FRS2: variants seen among roughly 807,000 people sequenced by gnomAD.
The protein encoded by FRS2 is fibroblast growth factor receptor substrate 2.
FRS2 carries 8 observed loss-of-function variants against 43.9 expected under a neutral mutation model. The ratio of observed to expected loss-of-function variants is 0.18; its 90% CI spans 0.11 to 0.33. The LOEUF (loss-of-function observed/expected upper bound fraction) is 0.33. FRS2 is among the 10% of genes least tolerant of loss of function. FRS2 has a pLI of 1.00. For synonymous variants in FRS2, 219 were observed against 220.3 expected, an observed-to-expected ratio of 0.99 and a Z score of 0.05; for missense variants, 534 against 627.6, an observed-to-expected ratio of 0.85 and a Z score of 1.59.
In FRS2 at chr12:69,574,249, A is replaced by G; in HGVS notation, c.821A>G (p.Asp274Gly). The change falls in exon 9 of 9, where the codon GAT becomes GGT. Residue 274 changes from aspartate to glycine, a missense_variant. Physicochemically the swap from Asp to Gly is moderately conservative, Grantham distance 94 (BLOSUM62 -1). This residue lies in a region of FRS2 where 446 missense variants were observed against 494.2 expected (regional missense o/e 0.90). Coordinates refer to ENST00000549921, the MANE Select transcript of FRS2 (RefSeq NM_001278356.2). ...EKEKLEQLGR[D>G]QVSGSGANNT... is the part of the protein sequence containing the mutation. The stretch of plus-strand genomic sequence containing the variant: ...GAGAAACTGGAGCAACTTGGAAGAG[A>G]TCAAGTTAGTGGAAGTGGAGCAAAT... The G allele has an allele frequency of 6.2e-7, 1 of 1,614,036 alleles. No homozygotes were observed. The highest frequency in any genetic ancestry group is 8.5e-7 in the Non-Finnish European group (1 of 1,179,834).
intron 3 of FRS2, among the ~76,000 whole-genome samples, chr12:69,534,735 G>C (rs1446165763): frequency 1.3e-5 from 2 of 152,168 alleles, no homozygotes; most frequent in Non-Finnish European, 2.9e-5. Flanking sequence ...AAGTCTGAGC[G>C]CTGGAGCTTG....
chr12:69,533,123 T>C (rs187757266), intron 3 of FRS2, among the ~76,000 whole-genome samples: 10 of 152,344 alleles, frequency 6.6e-5, no homozygotes, highest in South Asian at 4.1e-4. Flanking sequence ...ATAAAAGGTA[T>C]AACAACTAGG....
intron 1 of FRS2, among the ~76,000 whole-genome samples, chr12:69,471,401 A>G (rs990279140): frequency 2.0e-5 from 3 of 152,212 alleles, no homozygotes; most frequent in Non-Finnish European, 4.4e-5. Context: ...CCTTTCTCCC[A>G]AAGTTTGTTT....
intron 1 of FRS2, among the ~76,000 whole-genome samples, chr12:69,508,024 C>CAAAAAA (rs11365179): frequency 2.1e-5 from 1 of 47,582 alleles, no homozygotes; most frequent in Non-Finnish European, 3.9e-5. Flanking sequence ...AACCCCGTCT[C>CAAAAAA]AAAAAAAAAA....
At chr12:69,551,700 G>T (rs1222009514) in intron 3 of FRS2, among the ~76,000 whole-genome samples, 1 of 152,130 alleles carries the variant, frequency 6.6e-6, no homozygotes, top group Non-Finnish European at 1.5e-5. Flanking sequence ...TTGTTTTTTA[G>T]ATCAGTATTT....
At chr12:69,551,723 A>G (rs941993853) in intron 3 of FRS2, among the ~76,000 whole-genome samples, 4 of 152,238 alleles carry the variant, frequency 2.6e-5, no homozygotes, top group Non-Finnish European at 4.4e-5. Flanking sequence ...GAAGGGCTCA[A>G]AAGAACATCA....
chr12:69,494,455 G>T (rs1477317053), intron 1 of FRS2, among the ~76,000 whole-genome samples: 3 of 152,132 alleles, frequency 2.0e-5, no homozygotes, highest in Non-Finnish European at 4.4e-5. Flanking sequence ...TATATAATTT[G>T]CTGCAGCTCA....
At position 69,579,584 on chromosome 12, in the gene FRS2, G is replaced by A. The variant is rs1881420802; in HGVS notation, c.*4629G>A. On this transcript the variant is annotated 3_prime_UTR_variant, in exon 9 of 9. Transcript: ENST00000549921. ...ACTTTGGATTTTGCAATGCCTTACT[G>A]TTGTCATTCTAGCATAAATATCCAT... 6.6e-6 allele frequency: 1 copy of A among 152,330 alleles called. No homozygotes were observed. The highest frequency in any genetic ancestry group is 1.5e-5 in the Non-Finnish European group (1 of 68,024). The allele number at this position is 152,330 out of a possible 1,614,324, so 9.4% of individuals were successfully genotyped here.
At chr12:69,524,536 A>G (rs1876010982) in intron 1 of FRS2, among the ~76,000 whole-genome samples, 1 of 151,934 alleles carries the variant, frequency 6.6e-6, no homozygotes, top group African/African-American at 2.4e-5. Context: ...CACTGCATGC[A>G]GGTGTGGCCA....
In FRS2 at chr12:69,571,384, A is replaced by G. The variant is rs780969839; in HGVS notation, c.362A>G (p.Asn121Ser). The change falls in exon 7 of 9, where the codon AAT (asparagine) becomes AGT (serine). Residue 121 changes from asparagine to serine, a missense_variant. Coordinates refer to ENST00000549921, the MANE Select transcript of FRS2 (RefSeq NM_001278356.2). The part of the protein sequence containing the change: ...NVVEEPVVER[N>S]NHQTELEVPR... ...GTGGAAGAGCCAGTTGTAGAAAGAA[A>G]TAATCATCAGACAGAATTGGAAGTC... The G allele has an allele frequency of 3.1e-6, 5 of 1,613,012 alleles. No homozygotes were observed. Among genetic ancestry groups the G allele is most frequent in the Non-Finnish European group, 4.2e-6 (5 of 1,179,194 alleles).
At chr12:69,536,696 A>G (rs1366681743) in intron 3 of FRS2, among the ~76,000 whole-genome samples, 1 of 151,552 alleles carries the variant, frequency 6.6e-6, no homozygotes, top group African/African-American at 2.4e-5. Context: ...TCAGCCTCTC[A>G]AGTAGCTGGG....
At chr12:69,509,622 C>A (rs181140330) in intron 1 of FRS2, among the ~76,000 whole-genome samples, 6 of 152,252 alleles carry the variant, frequency 3.9e-5, no homozygotes, top group Non-Finnish European at 1.5e-5. Flanking sequence ...CTCTTGGCAA[C>A]CATTATTCTA....
chr12:69,534,186 G>C (rs994615957), intron 3 of FRS2, among the ~76,000 whole-genome samples: 4 of 152,062 alleles, frequency 2.6e-5, no homozygotes, highest in Admixed American at 2.6e-4. Flanking sequence ...TGTGTATTAG[G>C]GCTTCAGGTG....
rs1452479781 is a variant in FRS2, at chr12:69,578,991, C to T, written c.*4036C>T. 6.6e-6 allele frequency: 1 copy of T among 152,530 alleles called. No homozygotes were observed. Among genetic ancestry groups the T allele is most frequent in the East Asian group, 1.9e-4 (1 of 5,196 alleles). 9.4% of individuals were successfully genotyped at this position (152,530 alleles called of 1,614,324 possible). On this transcript the variant is annotated 3_prime_UTR_variant, in exon 9 of 9. Transcript: ENST00000549921. ...GTATCTTAATGCTGTTTCAGATCAG[C>T]ATTTTAAATTTTGGTTTGCATTTTT...
chr12:69,563,542 C>T (rs1354799098), intron 4 of FRS2, among the ~76,000 whole-genome samples: 1 of 152,128 alleles, frequency 6.6e-6, no homozygotes, highest in Non-Finnish European at 1.5e-5. Flanking sequence ...ACTTTAGTAT[C>T]CTTGCCCTCT....
At chr12:69,501,524 A>C (rs1021377537) in intron 1 of FRS2, among the ~76,000 whole-genome samples, 4 of 152,234 alleles carry the variant, frequency 2.6e-5, no homozygotes, top group Non-Finnish European at 5.9e-5. Flanking sequence ...TATTCAGTAG[A>C]AGGTATAATT....
intron 3 of FRS2, among the ~76,000 whole-genome samples, chr12:69,532,968 A>C (rs1418532336): frequency 1.3e-5 from 2 of 152,202 alleles, no homozygotes; most frequent in East Asian, 3.9e-4. Flanking sequence ...TAATTTTCTT[A>C]TTCTTACTTT....
intron 1 of FRS2, among the ~76,000 whole-genome samples, chr12:69,518,002 A>AT (rs917790779): frequency 4.0e-5 from 6 of 151,816 alleles, no homozygotes; most frequent in East Asian, 1.9e-4. Flanking sequence ...AATATTAAGC[A>AT]TTTTTTTTAT....
chr12:69,570,014 G>T (rs1008197851), intron 5 of FRS2, among the ~76,000 whole-genome samples: 2 of 152,100 alleles, frequency 1.3e-5, no homozygotes, highest in African/African-American at 4.8e-5. Context: ...CCAGCTAAAG[G>T]CCCTCCTCCT....
Sources: gnomAD v4.1 joint callset for allele counts (sites outside exome capture counted in the v4.1 genomes callset) on GRCh38, gnomAD v4.1.1 for gene constraint, gnomAD v4.1.1 regional missense constraint, MANE v1.5 for transcripts, NCBI Gene and HGNC (gene_info 2026-07-23, HGNC 2026-07-21) for gene names.